SEC14L1: variants seen among roughly 807,000 people sequenced by gnomAD.
The protein encoded by SEC14L1 is SEC14-like protein 1.
SEC14L1 carries 48 observed loss-of-function variants against 85.3 expected under a neutral mutation model. The ratio of observed to expected loss-of-function variants is 0.56; its 90% CI spans 0.45 to 0.72. The LOEUF is 0.72. SEC14L1 is among the 30% of genes least tolerant of loss of function. SEC14L1 has a pLI of 0.00. For missense variants in SEC14L1, 682 were observed against 921.4 expected (o/e 0.74, Z 3.36); for synonymous variants, 391 against 355.5 (o/e 1.10, Z -1.12).
In SEC14L1 at chr17:77,193,301, T is replaced by TATA. The variant is rs1331473807; in HGVS notation, c.346-120_346-119insATA. ...GCATTTTTTCCATCTGCTGTCTTTATGGTAGTAGCATTGTTAGTAACGTAA... is the reference window on the plus strand; with the variant it reads ...GCATTTTTTCCATCTGCTGTCTTTATATAGGTAGTAGCATTGTTAGTAACGTAA... On this transcript the variant is annotated intron_variant, in intron 5 of 16. Transcript: ENST00000436233. 9.9e-6 allele frequency: 9 copies of TATA among 912,644 alleles called. No homozygotes were observed. In the East Asian group the frequency reaches 2.4e-4, roughly 24 times the overall value. The allele number at this position is 912,644 out of a possible 1,614,324, so 56.5% of individuals were successfully genotyped here.
intron 2 of SEC14L1, among the ~76,000 whole-genome samples, chr17:77,091,517 A>T (rs1971516540): frequency 1.3e-5 from 2 of 152,186 alleles, no homozygotes; most frequent in African/African-American, 4.8e-5. Flanking sequence ...CTATCTGACC[A>T]TTTTATGCTA....
intron 7 of SEC14L1, among the ~76,000 whole-genome samples, chr17:77,195,957 G>GGTAA (rs1360874149): frequency 6.6e-6 from 1 of 152,108 alleles, no homozygotes; most frequent in Non-Finnish European, 1.5e-5. Context: ...TGGCAATAGA[G>GGTAA]GTAACTCAGT....
intron 14 of SEC14L1, chr17:77,211,740 A>G: frequency 1.6e-6 from 1 of 620,462 alleles, no homozygotes; most frequent in South Asian, 1.9e-5. Flanking sequence ...CAAAGAACAC[A>G]GAGCTTGGTG....
intron 3 of SEC14L1, among the ~76,000 whole-genome samples, chr17:77,173,262 C>G (rs1468510882): frequency 6.6e-6 from 1 of 151,942 alleles, no homozygotes; most frequent in Non-Finnish European, 1.5e-5. Context: ...TTTGAATATC[C>G]TTTTTACATT....
rs533351320 is a variant in SEC14L1, at chr17:77,152,951, C to G, written c.63+9292C>G. On this transcript the variant is annotated intron_variant, in intron 3 of 16. Transcript: ENST00000436233. ...GAGAAACTGGGTCATTTGTCCTGTT[C>G]AGTTACCTTAACCTTTTGCTGATTT... 3.3e-5 allele frequency among the ~76,000 whole-genome samples: 5 copies of G among 152,274 alleles called. No homozygotes were observed. The East Asian group carries it at 7.7e-4, about 23-fold the overall frequency.
chr17:77,165,554 G>A (rs899830664), intron 3 of SEC14L1, among the ~76,000 whole-genome samples: 1 of 152,132 alleles, frequency 6.6e-6, no homozygotes, highest in Admixed American at 6.5e-5. Flanking sequence ...TTGCCTCCCA[G>A]TTTGACTTTT....
chr17:77,136,115 C>T (rs1279753925), upstream of SEC14L1, among the ~76,000 whole-genome samples: 2 of 151,898 alleles, frequency 1.3e-5, no homozygotes, highest in Admixed American at 6.6e-5. Flanking sequence ...GACCTTGTGA[C>T]CTGCCCGCCT....
At chr17:77,107,550 G>C (rs1971942717) in intron 3 of SEC14L1, among the ~76,000 whole-genome samples, 1 of 152,164 alleles carries the variant, frequency 6.6e-6, no homozygotes, top group African/African-American at 2.4e-5. Context: ...GAGAGAGATT[G>C]AGAAAGTCCA....
intron 3 of SEC14L1, chr17:77,152,659 G>A (rs10163481): frequency 0.16 from 24,773 of 152,170 alleles, 2,237 homozygotes; most frequent in Middle Eastern, 0.21. Flanking sequence ...CTATGATGGG[G>A]CCACTGTGCA....
At chr17:77,202,560 A>G (rs979007525) in intron 9 of SEC14L1, among the ~76,000 whole-genome samples, 1 of 152,044 alleles carries the variant, frequency 6.6e-6, no homozygotes, top group Non-Finnish European at 1.5e-5. Flanking sequence ...CGGAGGTTGC[A>G]GTGAGCCGAG....
At chr17:77,112,828 C>T (rs1178026435) in intron 3 of SEC14L1, among the ~76,000 whole-genome samples, 2 of 150,932 alleles carry the variant, frequency 1.3e-5, no homozygotes, top group East Asian at 1.9e-4. Flanking sequence ...GAGCCAAGAT[C>T]GCGCCACTGC....
At chr17:77,110,143 A>G (rs1972015121) in intron 3 of SEC14L1, among the ~76,000 whole-genome samples, 2 of 152,262 alleles carry the variant, frequency 1.3e-5, no homozygotes, top group South Asian at 2.1e-4. Flanking sequence ...CAAGGAATAC[A>G]TAAGAAGCCT....
At chr17:77,179,589 GT>G (rs1974917641) in intron 3 of SEC14L1, among the ~76,000 whole-genome samples, 4 of 152,308 alleles carry the variant, frequency 2.6e-5, no homozygotes, top group Non-Finnish European at 5.9e-5. Flanking sequence ...GAACCATGGA[GT>G]TTGAGGTCTT....
At position 77,158,798 on chromosome 17, in the gene SEC14L1, C is replaced by CTTTTTTTTTTTTTTT. The variant is rs34186028; in HGVS notation, c.63+15158_63+15172dup. Among the ~76,000 whole-genome samples the CTTTTTTTTTTTTTTT allele has an allele frequency of 2.0e-4, 8 of 39,242 alleles. 2 individuals carry two copies. Among genetic ancestry groups the CTTTTTTTTTTTTTTT allele is most frequent in the African/African-American group, 3.3e-4 (3 of 8,980 alleles). 25.7% of individuals were successfully genotyped at this position (39,242 alleles called of 152,430 possible). ...CAATTACATTTTATAGCTTTCTTTCCTTTTTTTTTTTTTTTTTTTTTTTTT... is the reference window on the plus strand; with the variant it reads ...CAATTACATTTTATAGCTTTCTTTCCTTTTTTTTTTTTTTTTTTTTTTTTTTTTTTTTTTTTTTTT... On this transcript the variant is annotated intron_variant, in intron 3 of 16. Transcript: ENST00000436233.
rs930886677 is a variant in SEC14L1 at position 77,211,932 on chromosome 17, A to T, written c.1612-18A>T. 5.0e-6 allele frequency: 8 copies of T among 1,611,786 alleles called. No individual in the cohort carries two copies. Among genetic ancestry groups the T allele is most frequent in the Non-Finnish European group, 6.8e-6 (8 of 1,178,754 alleles). ...GGTGCTCGTGGATCGTGGCTGCCTA[A>T]CGCTGCCTCTTTTTCAGATTCTCAT... On this transcript the variant is annotated intron_variant, in intron 14 of 16. Coordinates refer to ENST00000436233, the MANE Select transcript of SEC14L1 (RefSeq NM_001143998.2).
intron 3 of SEC14L1, among the ~76,000 whole-genome samples, chr17:77,124,272 G>A (rs1014380400): frequency 1.3e-5 from 2 of 152,216 alleles, no homozygotes; most frequent in Non-Finnish European, 2.9e-5. Context: ...GCTGAGGGGG[G>A]AGGATCATTT....
intron 10 of SEC14L1, among the ~76,000 whole-genome samples, chr17:77,204,413 T>G (rs1404436763): frequency 6.6e-6 from 1 of 151,394 alleles, no homozygotes; most frequent in Non-Finnish European, 1.5e-5. Flanking sequence ...AGAGACGGGG[T>G]TTCACCATGT....
chr17:77,201,591 C>G (rs1324845261), intron 9 of SEC14L1, among the ~76,000 whole-genome samples: 1 of 152,002 alleles, frequency 6.6e-6, no homozygotes, highest in Non-Finnish European at 1.5e-5. Flanking sequence ...GTTGGGACTA[C>G]AGGTGTGCAC....
chr17:77,148,096 T>TTTAAAA (rs1973393673), intron 3 of SEC14L1, among the ~76,000 whole-genome samples: 1 of 152,164 alleles, frequency 6.6e-6, no homozygotes. Context: ...AAGCACAAAC[T>TTTAAAA]TTAAAAGTTA....
Sources: gnomAD v4.1 joint callset for allele counts (sites outside exome capture counted in the v4.1 genomes callset) on GRCh38, gnomAD v4.1.1 for gene constraint, MANE v1.5 for transcripts, NCBI Gene and HGNC (gene_info 2026-07-23, HGNC 2026-07-21) for gene names.